Variants in KIAA0930 observed in about 807,000 individuals in gnomAD.
The protein encoded by KIAA0930 is KIAA0930, also known as uncharacterized protein KIAA0930.
KIAA0930 carries 24 observed loss-of-function variants against 43.9 expected under a neutral mutation model. The ratio of observed to expected loss-of-function variants is 0.55; its 90% CI spans 0.40 to 0.77. KIAA0930 has a LOEUF of 0.77. KIAA0930 is among the 30% of genes least tolerant of loss of function. KIAA0930 has a pLI of 0.00. For missense variants in KIAA0930, 461 were observed against 574.2 expected (o/e 0.80, Z 2.02); for synonymous variants, 259 against 216.4 (o/e 1.20, Z -1.73).
In KIAA0930 at chr22:45,197,173, C is replaced by A. The variant is rs767156891; in HGVS notation, c.*3G>T. 8.4e-6 allele frequency: 13 copies of A among 1,549,096 alleles called. No homozygotes were observed. The highest frequency in any genetic ancestry group is 2.5e-5 in the East Asian group (1 of 40,748). On this transcript the variant is annotated 3_prime_UTR_variant, in exon 10 of 10. Transcript: ENST00000336156. ...CGGGGCTCTGCGCAGGCTCCGCACG[C>A]GGCTAGGTCATCAGGATGGGCTTCT...
chr22:45,204,941 C>CA (rs1380364229), intron 5 of KIAA0930, among the ~76,000 whole-genome samples: 1 of 152,196 alleles, frequency 6.6e-6, no homozygotes, highest in Non-Finnish European at 1.5e-5. Flanking sequence ...GGCGTCCTCC[C>CA]ACTCAGGAGC....
intron 2 of KIAA0930, chr22:45,211,581 C>T (rs2083693579): frequency 2.1e-6 from 1 of 470,736 alleles, no homozygotes; most frequent in East Asian, 3.2e-5. Flanking sequence ...TGAGTCAGGT[C>T]ACCCTGCCAT....
At chr22:45,200,432 GCGT>G (rs2083577833) in intron 7 of KIAA0930, among the ~76,000 whole-genome samples, 1 of 152,160 alleles carries the variant, frequency 6.6e-6, no homozygotes, top group Non-Finnish European at 1.5e-5. Context: ...ACAGGGGCTA[GCGT>G]CAGCCCATCT....
At chr22:45,206,738 C>T (rs142850838) in intron 2 of KIAA0930, among the ~76,000 whole-genome samples, 430 of 150,190 alleles carry the variant, frequency 2.9e-3, no homozygotes, top group Middle Eastern at 0.01. Flanking sequence ...TCACTCCATC[C>T]GTCACCCAGG....
chr22:45,209,166 G>A (rs2083669114), intron 2 of KIAA0930, among the ~76,000 whole-genome samples: 1 of 152,222 alleles, frequency 6.6e-6, no homozygotes, highest in Admixed American at 6.5e-5. Flanking sequence ...CCCCTGCTAG[G>A]TGCAGGAGGC....
At chr22:45,235,088 G>A (rs1342800857) in intron 1 of KIAA0930, among the ~76,000 whole-genome samples, 7 of 152,098 alleles carry the variant, frequency 4.6e-5, no homozygotes, top group Non-Finnish European at 1.5e-5. Flanking sequence ...CAGCCTAGTG[G>A]TGTGGCTGAC....
intron 5 of KIAA0930, among the ~76,000 whole-genome samples, chr22:45,204,485 G>C (rs918024898): frequency 6.6e-6 from 1 of 152,172 alleles, no homozygotes; most frequent in African/African-American, 2.4e-5. Context: ...AGGCCACAAA[G>C]ACTTAGACGC....
At chr22:45,213,417 T>C (rs1197907381) in intron 1 of KIAA0930, 9 of 1,298,012 alleles carry the variant, frequency 6.9e-6, no homozygotes, top group Non-Finnish European at 9.1e-6. Context: ...TCAGCGAGCC[T>C]TGTCAGCCTC....
chr22:45,214,712 C>G lies in KIAA0930; in HGVS notation c.65-2605G>C, dbSNP rs117071631. Among the ~76,000 whole-genome samples the G allele has an allele frequency of 3.1e-3, 479 of 152,104 alleles. 14 individuals carry two copies. In the East Asian group the frequency reaches 0.065, roughly 21 times the overall value. ...CTGCTTTAGGCCAGGAGTTCAAGGT[C>G]AGCCTGGGCAACACAGTGAGACCTG... On this transcript the variant is annotated intron_variant, in intron 1 of 9. Coordinates refer to ENST00000336156, the MANE Select transcript of KIAA0930 (RefSeq NM_001009880.2).
chr22:45,205,769 A>AG (rs2083631714), intron 3 of KIAA0930, 24 bp downstream of exon 3: 49 of 1,545,954 alleles, frequency 3.2e-5, no homozygotes, highest in Non-Finnish European at 3.8e-5. Context: ...GCCAATCCGC[A>AG]GCCCCACCCA....
At chr22:45,224,776 G>A (rs1601822718) in intron 1 of KIAA0930, among the ~76,000 whole-genome samples, 1 of 152,148 alleles carries the variant, frequency 6.6e-6, no homozygotes, top group African/African-American at 2.4e-5. Flanking sequence ...CCCCTTGGGG[G>A]AAGATGAGTG....
chr22:45,225,496 G>A (rs893136595), intron 1 of KIAA0930, among the ~76,000 whole-genome samples: 3 of 152,154 alleles, frequency 2.0e-5, no homozygotes, highest in Non-Finnish European at 2.9e-5. Context: ...GGCAGCCCCC[G>A]CATCTGCCAT....
At chr22:45,202,320 G>A (rs907314309) in intron 7 of KIAA0930, among the ~76,000 whole-genome samples, 1 of 152,258 alleles carries the variant, frequency 6.6e-6, no homozygotes, top group African/African-American at 2.4e-5. Context: ...AGCTGCTGCT[G>A]ACCTCAGCCT....
intron 8 of KIAA0930, among the ~76,000 whole-genome samples, chr22:45,198,543 G>A (rs761865622): frequency 1.6e-4 from 24 of 152,240 alleles, no homozygotes; most frequent in Admixed American, 1.3e-3. Context: ...CCTGCTTCTT[G>A]GTCCCAGTGG....
chr22:45,224,272 G>C (rs78809713), intron 1 of KIAA0930, among the ~76,000 whole-genome samples: 3,081 of 152,268 alleles, frequency 0.02, 102 homozygotes, highest in African/African-American at 0.07. Flanking sequence ...ACAGTGAAGG[G>C]TTAAGAGTGG....
Position 45,213,257 on chromosome 22 carries a change from GGCCCTCAGCCCTCAGCCCTCTGCCCTCT to G in KIAA0930, c.65-1178_65-1151del. On this transcript the variant is annotated intron_variant, in intron 1 of 9. Transcript: ENST00000336156. ...GGACTCACAGCCAGCCCCAGCCCTC[GGCCCTCAGCCCTCAGCCCTCTGCCCTCT>G]GCCCTCAGCCCTCTGCCCAACAGTG... 4.0e-6 allele frequency: 5 copies of G among 1,238,058 alleles called. No homozygotes were observed. In the South Asian group the frequency reaches 5.0e-5, roughly 12 times the overall value. 76.7% of individuals were successfully genotyped at this position (1,238,058 alleles called of 1,614,324 possible). A position where few individuals can be genotyped will look rare whatever the true frequency, so the allele number is the denominator to read the frequency against.
intron 1 of KIAA0930, among the ~76,000 whole-genome samples, chr22:45,237,553 C>T (rs544249323): frequency 6.6e-6 from 1 of 152,354 alleles, no homozygotes; most frequent in South Asian, 2.1e-4. Flanking sequence ...AGAATGACAA[C>T]CACTCAACCA....
intron 8 of KIAA0930, among the ~76,000 whole-genome samples, chr22:45,199,129 C>T (rs959871595): frequency 6.6e-6 from 1 of 152,178 alleles, no homozygotes; most frequent in Non-Finnish European, 1.5e-5. Context: ...ACAGAGACTG[C>T]TGAGTGGCAT....
intron 1 of KIAA0930, chr22:45,212,494 G>A: frequency 7.0e-7 from 1 of 1,433,612 alleles, no homozygotes; most frequent in Non-Finnish European, 9.1e-7. Flanking sequence ...GGAGCCTTTG[G>A]AGAGGCAGGG....
Sources: gnomAD v4.1 joint callset for allele counts (sites outside exome capture counted in the v4.1 genomes callset) on GRCh38, gnomAD v4.1.1 for gene constraint, MANE v1.5 for transcripts, NCBI Gene and HGNC (gene_info 2026-07-23, HGNC 2026-07-21) for gene names.